Variants in HEPHL1 observed in about 807,000 individuals in gnomAD.
HEPHL1 encodes the protein hephaestin like 1.
Under a neutral mutation model 122.0 loss-of-function variants are expected in HEPHL1, and 123 were observed. That is an observed-to-expected ratio of 1.01 (90% CI 0.87 to 1.17). The LOEUF (loss-of-function observed/expected upper bound fraction) is 1.17, where lower values mean the gene tolerates loss of function less well. HEPHL1 is among the 50% of genes most tolerant of loss of function. The pLI, the probability that HEPHL1 is intolerant of heterozygous loss-of-function variation, is 0.00. For synonymous variants in HEPHL1, 527 were observed against 508.9 expected (o/e 1.04, Z -0.48); for missense variants, 1,452 against 1,430.5 (o/e 1.01, Z -0.24).
rs552736043 is a variant in HEPHL1 at position 94,083,043 on chromosome 11, G to A, written c.1867+475G>A. Among the ~76,000 whole-genome samples, 506 of 150,732 alleles carry A rather than the reference G, an allele frequency of 3.4e-3. 1 individual carries two copies. The highest frequency in any genetic ancestry group is 6.8e-3 in the Middle Eastern group (2 of 292). ...GTGGAGGTTGCAGTGAGCCAAGTTC[G>A]TGCCACTGCACAGCCTGGGCGACAG... is the stretch of plus-strand genomic sequence containing the variant. On this transcript the variant is annotated intron_variant, in intron 10 of 19. Coordinates refer to ENST00000315765, the MANE Select transcript of HEPHL1 (RefSeq NM_001098672.2).
In HEPHL1 at chr11:94,088,904, T is replaced by G; in HGVS notation, c.2230T>G (p.Trp744Gly). 6.2e-7 allele frequency: 1 copy of G among 1,613,956 alleles called. No homozygotes were observed. Among genetic ancestry groups the G allele is most frequent in the Non-Finnish European group, 8.5e-7 (1 of 1,179,888 alleles). ...TFYIAAEEVEWDYAPNKNWEF... is the reference protein window; with the variant it reads ...TFYIAAEEVEGDYAPNKNWEF... The stretch of plus-strand genomic sequence containing the variant: ...TTACATCGCCGCTGAAGAAGTAGAA[T>G]GGGATTATGCCCCTAACAAAAACTG... Residue 744 changes from tryptophan to glycine, a missense_variant, in exon 12 of 20, where the codon TGG becomes GGG. Trp to Gly is a radical substitution (Grantham distance 184, BLOSUM62 -2). Coordinates refer to ENST00000315765, the MANE Select transcript of HEPHL1 (RefSeq NM_001098672.2).
chr11:94,041,067 T>C (rs2134411908), intron 1 of HEPHL1, among the ~76,000 whole-genome samples: 1 of 136,418 alleles, frequency 7.3e-6, no homozygotes, highest in Non-Finnish European at 1.6e-5. Flanking sequence ...CAAGCATTCT[T>C]ATAGACCAAC....
At chr11:94,083,550 T>G (rs1946191153) in intron 10 of HEPHL1, among the ~76,000 whole-genome samples, 1 of 152,262 alleles carries the variant, frequency 6.6e-6, no homozygotes, top group Non-Finnish European at 1.5e-5. Context: ...GGTGCTAACC[T>G]GCTTGTTTTA....
intron 10 of HEPHL1, 35 bp downstream of exon 10, chr11:94,082,603 G>C: frequency 6.3e-7 from 1 of 1,581,316 alleles, no homozygotes; most frequent in Non-Finnish European, 8.6e-7. Context: ...GTAAATGAAA[G>C]GCTGACTTGC....
chr11:94,111,548 C>A lies in HEPHL1; in HGVS notation c.3220C>A (p.Pro1074Thr). 6.2e-7 allele frequency: 1 copy of A among 1,601,610 alleles called. No homozygotes were observed. The highest frequency in any genetic ancestry group is 1.3e-5 in the African/African-American group (1 of 74,798). The change falls in exon 19 of 20, where the codon CCT becomes ACT. Residue 1074 changes from proline (P) to threonine (T), a missense_variant. Physicochemically the swap from Pro to Thr is conservative, Grantham distance 38 (BLOSUM62 -1). Transcript: ENST00000315765. ...TVLRNIDNRI[P>T]YSTTSPGVAS... ...TTTTCTTTGTGCAGACAACAGGATTCCTTACTCCACCACATCTCCTGGAGT... is the reference window on the plus strand; with the variant it reads ...TTTTCTTTGTGCAGACAACAGGATTACTTACTCCACCACATCTCCTGGAGT...
At chr11:94,035,983 G>A (rs187419889) in intron 1 of HEPHL1, among the ~76,000 whole-genome samples, 1,575 of 152,260 alleles carry the variant, frequency 0.01, 24 homozygotes, top group African/African-American at 0.035. Context: ...TGATCCGCCC[G>A]CCTCGGCCTC....
chr11:94,043,457 T>A (rs1250200650), intron 1 of HEPHL1, among the ~76,000 whole-genome samples: 1 of 152,114 alleles, frequency 6.6e-6, no homozygotes, highest in African/African-American at 2.4e-5. Flanking sequence ...ATGATATCAA[T>A]TGGCCAGGTC....
chr11:94,045,692 G>T lies in HEPHL1; in HGVS notation c.190G>T (p.Glu64Ter). The T allele has an allele frequency of 1.9e-6, 3 of 1,606,482 alleles. No homozygotes were observed. The highest frequency in any genetic ancestry group is 1.7e-6 in the Non-Finnish European group (2 of 1,176,800). ...TEDKLATLFL[E>*]RGPNRIGSIY... is the part of the protein sequence containing the mutation. The stretch of plus-strand genomic sequence containing the variant: ...TTTTAGACTTGCAACCTTATTTCTC[G>T]AAAGAGGGCCCAACAGGATAGGCAG... Residue 64 changes from glutamate (E) to a stop codon, truncating the protein, a stop_gained, in exon 2 of 20, where the codon GAA (glutamate) becomes TAA (stop). Transcript: ENST00000315765. LOFTEE classifies it high-confidence loss of function.
At chr11:94,042,883 A>ACAAACAAAAAACAAAC (rs1555058778) in intron 1 of HEPHL1, among the ~76,000 whole-genome samples, 1 of 132,398 alleles carries the variant, frequency 7.6e-6, no homozygotes, top group African/African-American at 2.8e-5. Flanking sequence ...AATAAAAAAA[A>ACAAACAAAAAACAAAC]AAAAAAAAAA....
At chr11:94,024,487 G>T (rs928624753) in intron 1 of HEPHL1, among the ~76,000 whole-genome samples, 3 of 152,202 alleles carry the variant, frequency 2.0e-5, no homozygotes, top group African/African-American at 4.8e-5. Context: ...ATTTGCAAAT[G>T]TTCAGTCCTA....
chr11:94,050,550 T>A (rs1290234515), intron 2 of HEPHL1, among the ~76,000 whole-genome samples: 4 of 152,110 alleles, frequency 2.6e-5, no homozygotes, highest in Non-Finnish European at 5.9e-5. Flanking sequence ...ACATAGTAGA[T>A]GTATATGTTT....
rs1946379734 is a variant in HEPHL1, at chr11:94,102,950, G to C, written c.2612G>C (p.Arg871Thr). 1.9e-6 allele frequency: 3 copies of C among 1,607,372 alleles called. No homozygotes were observed. Among genetic ancestry groups the C allele is most frequent in the South Asian group, 2.2e-5 (2 of 90,912 alleles). Reference protein sequence around the residue: ...VKTYRWNIPKRSGPGPSDPNC... With the variant: ...VKTYRWNIPKTSGPGPSDPNC... ...ACTTATAGATGGAATATCCCTAAAA[G>C]ATCCGGTCCAGGGCCTTCTGATCCC... The change falls in exon 15 of 20, where the codon AGA becomes ACA. Residue 871 changes from arginine to threonine, a missense_variant. By Grantham distance (71) the Arg-to-Thr change is moderately conservative. Transcript: ENST00000315765.
At chr11:94,100,017 T>C (rs1946355051) in intron 13 of HEPHL1, among the ~76,000 whole-genome samples, 1 of 152,004 alleles carries the variant, frequency 6.6e-6, no homozygotes, top group Admixed American at 6.6e-5. Flanking sequence ...GCACCCACTG[T>C]CCTGCCCCCA....
intron 12 of HEPHL1, among the ~76,000 whole-genome samples, chr11:94,089,247 G>A (rs145418635): frequency 5.0e-4 from 76 of 152,352 alleles, no homozygotes; most frequent in Non-Finnish European, 9.7e-4. Flanking sequence ...GAGGGAAAGA[G>A]GCAGATCACA....
chr11:94,054,576 G>T (rs1945919513), intron 2 of HEPHL1, among the ~76,000 whole-genome samples: 1 of 152,208 alleles, frequency 6.6e-6, no homozygotes, highest in Non-Finnish European at 1.5e-5. Flanking sequence ...AGGAACTGCT[G>T]GGAAAATTGA....
At position 94,073,098 on chromosome 11, in the gene HEPHL1, TTTG is replaced by T. The variant is rs1469184639; in HGVS notation, c.1310_1312del (p.Val437del). 1 of 1,613,198 alleles carries T rather than the reference TTTG, an allele frequency of 6.2e-7. No homozygotes were observed. Among genetic ancestry groups the T allele is most frequent in the Admixed American group, 1.7e-5 (1 of 59,880 alleles). ...ATACTGGAAGGTTCGGTATACTGAA[TTTG>T]TTGATGCAACTTTTACTAAAAGAAA... is the stretch of plus-strand genomic sequence containing the variant. On this transcript the variant is annotated inframe_deletion, in exon 7 of 20. Coordinates refer to ENST00000315765, the MANE Select transcript of HEPHL1 (RefSeq NM_001098672.2).
intron 2 of HEPHL1, among the ~76,000 whole-genome samples, chr11:94,060,074 C>A (rs1371436359): frequency 1.6e-5 from 2 of 122,708 alleles, no homozygotes; most frequent in South Asian, 2.6e-4. Flanking sequence ...TAAGGTAATA[C>A]CACTCAGTCA....
At position 94,042,875 on chromosome 11, in the gene HEPHL1, T is replaced by TA. The variant is rs58966846; in HGVS notation, c.171-2780dup. 3.2e-4 allele frequency among the ~76,000 whole-genome samples: 20 copies of TA among 63,186 alleles called. 1 individual carries two copies. The highest frequency in any genetic ancestry group is 3.0e-3 in the East Asian group (5 of 1,678). The allele number at this position is 63,186 out of a possible 152,430, so 41.5% of individuals were successfully genotyped here. On this transcript the variant is annotated intron_variant, in intron 1 of 19. Coordinates refer to ENST00000315765, the MANE Select transcript of HEPHL1 (RefSeq NM_001098672.2). ...ATGTACCCTAAAACTTAAAGTATAA[T>TA]AAAAAAAAAAAAAAAAAACTGCATG...
intron 5 of HEPHL1, among the ~76,000 whole-genome samples, chr11:94,069,711 C>T (rs1946059485): frequency 6.6e-6 from 1 of 152,044 alleles, no homozygotes; most frequent in Admixed American, 6.6e-5. Context: ...TTGCTTAATG[C>T]TTATGTTTCC....
Sources: allele counts gnomAD v4.1 joint callset (sites outside exome capture counted in the v4.1 genomes callset), GRCh38; gene constraint gnomAD v4.1.1; transcripts MANE v1.5; gene names NCBI Gene and HGNC (gene_info 2026-07-23, HGNC 2026-07-21).